The following DHX15 variants were observed in gnomAD, a reference collection of about 807,000 sequenced individuals.
DHX15 encodes DEAH-box helicase 15, also known as ATP-dependent RNA helicase DHX15.
DHX15 carries 11 observed loss-of-function variants against 94.4 expected under a neutral mutation model. That is an observed-to-expected ratio of 0.12 (90% CI 0.07 to 0.19). DHX15 has a LOEUF of 0.19. DHX15 is among the 10% of genes least tolerant of loss of function. The pLI, the probability that DHX15 is intolerant of heterozygous loss-of-function variation, is 1.00. For missense variants in DHX15, 304 were observed against 988.5 expected, an observed-to-expected ratio of 0.31 and a Z score of 9.29; for synonymous variants, 338 against 329.9, an observed-to-expected ratio of 1.02 and a Z score of -0.27.
chr4:24,550,861 T>C (rs1721587040), intron 5 of DHX15, among the ~76,000 whole-genome samples: 1 of 152,240 alleles, frequency 6.6e-6, no homozygotes, highest in African/African-American at 2.4e-5. Context: ...ACATACTATA[T>C]AGTACTTTTA....
intron 1 of DHX15, among the ~76,000 whole-genome samples, chr4:24,580,312 C>T (rs914813166): frequency 2.6e-5 from 4 of 151,972 alleles, no homozygotes; most frequent in African/African-American, 7.3e-5. Flanking sequence ...GAGGCTGAGA[C>T]GGGAAGATCA....
intron 3 of DHX15, among the ~76,000 whole-genome samples, chr4:24,559,388 A>AAAG (rs999864026): frequency 3.3e-5 from 3 of 92,192 alleles, no homozygotes; most frequent in Non-Finnish European, 9.7e-5. Context: ...AAAAAAAAAA[A>AAAG]AAAAAAAAGA....
chr4:24,547,257 T>C (rs1268135400), intron 6 of DHX15, among the ~76,000 whole-genome samples: 4 of 152,200 alleles, frequency 2.6e-5, no homozygotes, highest in African/African-American at 9.6e-5. Context: ...AGTGGCAATA[T>C]AGCCCCTAGT....
chr4:24,553,275 C>T (rs1421417131), intron 5 of DHX15, among the ~76,000 whole-genome samples: 1 of 151,416 alleles, frequency 6.6e-6, no homozygotes, highest in Admixed American at 6.6e-5. Context: ...GAGCCGAGAT[C>T]GCGCCACTGC....
chr4:24,543,853 A>G (rs1721368595), intron 6 of DHX15, among the ~76,000 whole-genome samples: 1 of 152,130 alleles, frequency 6.6e-6, no homozygotes, highest in South Asian at 2.1e-4. Flanking sequence ...CAGGTTACTG[A>G]TATTAAGTTG....
intron 11 of DHX15, chr4:24,533,464 T>C (rs1721131828): frequency 9.4e-6 from 2 of 213,082 alleles, no homozygotes; most frequent in Non-Finnish European, 1.9e-5. Context: ...TTGTTGTGTA[T>C]TGTTCTTTAT....
rs1371672689 is a variant in DHX15, at chr4:24,584,488, C to A, written c.-95G>T. 3 of 1,224,762 alleles carry A rather than the reference C, an allele frequency of 2.4e-6. No homozygotes were observed. The highest frequency in any genetic ancestry group is 2.8e-5 in the South Asian group (2 of 72,538). 75.9% of individuals were successfully genotyped at this position (1,224,762 alleles called of 1,614,324 possible). ...GCCACTTAACTCTGGAGGACCCCCA[C>A]CCCTCCCGCTACTACAGCCCACACG... On this transcript the variant is annotated 5_prime_UTR_variant, in exon 1 of 14. Coordinates refer to ENST00000336812, the MANE Select transcript of DHX15 (RefSeq NM_001358.3).
At chr4:24,577,462 C>A (rs535082111) in intron 1 of DHX15, among the ~76,000 whole-genome samples, 2 of 152,030 alleles carry the variant, frequency 1.3e-5, no homozygotes, top group Non-Finnish European at 2.9e-5. Context: ...GCATTTTAAC[C>A]TAAACAGCAA....
intron 3 of DHX15, among the ~76,000 whole-genome samples, chr4:24,566,211 T>C (rs1388369332): frequency 1.3e-5 from 2 of 152,028 alleles, no homozygotes; most frequent in African/African-American, 4.8e-5. Context: ...GGCTCATTTT[T>C]TTAATATATA....
intron 3 of DHX15, 72 bp downstream of exon 3, chr4:24,570,582 C>T (rs1722100424): frequency 1.4e-6 from 2 of 1,443,878 alleles, no homozygotes; most frequent in South Asian, 2.4e-5. Flanking sequence ...CCTGCACTAG[C>T]AAAGTCTTCT....
In DHX15 at chr4:24,537,304, T is replaced by A; in HGVS notation, c.1787-131A>T. On this transcript the variant is annotated intron_variant, in intron 10 of 13. Coordinates refer to ENST00000336812, the MANE Select transcript of DHX15 (RefSeq NM_001358.3). The surrounding 1 kb of genome is among the most constrained non-coding windows in gnomAD (Gnocchi z 4.7). ...CAGGGCAGGATGGCCTCCAACTGCA[T>A]CTTGGATTGTTTACTACCTTGATTT... 1 of 1,208,872 alleles carries A rather than the reference T, an allele frequency of 8.3e-7. No individual in the cohort carries two copies. The highest frequency in any genetic ancestry group is 1.1e-6 in the Non-Finnish European group (1 of 880,486). The allele number at this position is 1,208,872 out of a possible 1,614,324, so 74.9% of individuals were successfully genotyped here.
chr4:24,568,511 T>C lies in DHX15; in HGVS notation c.701+2143A>G, dbSNP rs1016583846. 1.8e-4 allele frequency among the ~76,000 whole-genome samples: 27 copies of C among 152,202 alleles called. 1 individual carries two copies. Among genetic ancestry groups the C allele is most frequent in the African/African-American group, 6.5e-4 (27 of 41,456 alleles). The stretch of plus-strand genomic sequence containing the variant: ...AAATCACAATGCCAAAAATACTTCA[T>C]TTGAACTATAAAATCTGTTACTTGT... On this transcript the variant is annotated intron_variant, in intron 3 of 13. Coordinates refer to ENST00000336812, the MANE Select transcript of DHX15 (RefSeq NM_001358.3).
chr4:24,536,993 T>G, intron 11 of DHX15, 58 bp downstream of exon 11: 1 of 1,566,742 alleles, frequency 6.4e-7, no homozygotes, highest in Non-Finnish European at 8.7e-7. Context: ...CAAAGAAACA[T>G]CTTATACACT....
At chr4:24,556,189 T>C (rs1721734945) in intron 4 of DHX15, 62 bp downstream of exon 4, 2 of 1,417,628 alleles carry the variant, frequency 1.4e-6, no homozygotes, top group African/African-American at 2.8e-5. Context: ...CAGTATGTAT[T>C]CCCCATTTTT....
At chr4:24,533,417 T>A (rs927441546) in intron 11 of DHX15, 1 of 282,436 alleles carries the variant, frequency 3.5e-6, no homozygotes, top group Non-Finnish European at 6.9e-6. Flanking sequence ...TCATTTTCAA[T>A]GAAACTACAG....
intron 6 of DHX15, among the ~76,000 whole-genome samples, chr4:24,547,921 A>ATC (rs1560765809): frequency 0.027 from 2,383 of 89,136 alleles, 132 homozygotes; most frequent in African/African-American, 0.11. Context: ...ATATATATAT[A>ATC]TATATATATA....
At chr4:24,579,799 CTCTGT>C (rs1243801459) in intron 1 of DHX15, among the ~76,000 whole-genome samples, 1 of 152,202 alleles carries the variant, frequency 6.6e-6, no homozygotes, top group Non-Finnish European at 1.5e-5. Context: ...CGGAGTCTTG[CTCTGT>C]CACCAGGCTG....
intron 6 of DHX15, among the ~76,000 whole-genome samples, chr4:24,545,618 T>TAC (rs537094504): frequency 5.9e-5 from 9 of 152,114 alleles, no homozygotes; most frequent in Non-Finnish European, 1.3e-4. Flanking sequence ...TAAGGCTAAA[T>TAC]ACACACACAC....
At chr4:24,573,803 A>C (rs1722177420) in intron 2 of DHX15, among the ~76,000 whole-genome samples, 1 of 152,120 alleles carries the variant, frequency 6.6e-6, no homozygotes. Flanking sequence ...CCTTGCTCAC[A>C]CTGTCCCTTT....
Sources: gnomAD v4.1 joint callset for allele counts (sites outside exome capture counted in the v4.1 genomes callset) on GRCh38, gnomAD v4.1.1 for gene constraint, Gnocchi (gnomAD v3.1) non-coding constraint, MANE v1.5 for transcripts, NCBI Gene and HGNC (gene_info 2026-07-23, HGNC 2026-07-21) for gene names.